Variants in CATSPERB observed in about 807,000 individuals in gnomAD.
The protein encoded by CATSPERB is cation channel sperm-associated auxiliary subunit beta.
Under a neutral mutation model 128.3 loss-of-function variants are expected in CATSPERB, and 93 were observed. That is an observed-to-expected ratio of 0.72 (90% CI 0.61 to 0.86). The LOEUF (loss-of-function observed/expected upper bound fraction) is 0.86. Ranked by LOEUF, CATSPERB falls within the 40% of genes least tolerant of loss-of-function variation. CATSPERB has a pLI of 0.00. For synonymous variants in CATSPERB, 381 were observed against 448.8 expected (o/e 0.85, Z 1.91); for missense variants, 1,153 against 1,329.5 (o/e 0.87, Z 2.06).
At chr14:91,729,361 C>A (rs760488369) in intron 2 of CATSPERB, 40 bp downstream of exon 2, 93 of 912,034 alleles carry the variant, frequency 1.0e-4, no homozygotes, top group Non-Finnish European at 1.1e-4. Flanking sequence ...AATAAGAACT[C>A]CTGAGAAGGA....
intron 10 of CATSPERB, among the ~76,000 whole-genome samples, chr14:91,685,775 G>A (rs1566730830): frequency 6.6e-6 from 1 of 152,202 alleles, no homozygotes; most frequent in Non-Finnish European, 1.5e-5. Context: ...AGAAATGTTA[G>A]CACATTCAGG....
At chr14:91,585,078 A>T (rs1893274201) in intron 26 of CATSPERB, among the ~76,000 whole-genome samples, 1 of 151,688 alleles carries the variant, frequency 6.6e-6, no homozygotes, top group Admixed American at 6.6e-5. Flanking sequence ...GTGCAGTGGC[A>T]TGATCTCAGC....
intron 10 of CATSPERB, among the ~76,000 whole-genome samples, chr14:91,686,495 A>G (rs1895377910): frequency 6.6e-6 from 1 of 152,158 alleles, no homozygotes. Flanking sequence ...TTAAAGATAG[A>G]TCCTTAAACT....
intron 10 of CATSPERB, among the ~76,000 whole-genome samples, chr14:91,684,998 C>T (rs1895349080): frequency 6.6e-6 from 1 of 152,050 alleles, no homozygotes; most frequent in Non-Finnish European, 1.5e-5. Context: ...ATGATCGTAG[C>T]TCACTCCAGC....
At chr14:91,696,910 T>G (rs1477036536) in intron 7 of CATSPERB, among the ~76,000 whole-genome samples, 1 of 152,188 alleles carries the variant, frequency 6.6e-6, no homozygotes, top group African/African-American at 2.4e-5. Flanking sequence ...GATTTCCAGT[T>G]GCAACAGTGG....
At chr14:91,720,745 T>C (rs1255650180) in intron 4 of CATSPERB, among the ~76,000 whole-genome samples, 5 of 152,308 alleles carry the variant, frequency 3.3e-5, no homozygotes, top group African/African-American at 4.8e-5. Flanking sequence ...CTAAAATTCA[T>C]ATTATTTTAT....
At chr14:91,721,727 G>A (rs796953953) in intron 4 of CATSPERB, among the ~76,000 whole-genome samples, 12 of 152,046 alleles carry the variant, frequency 7.9e-5, no homozygotes, top group African/African-American at 2.9e-4. Context: ...GCGGATGCCT[G>A]TAGTCCCAGC....
At chr14:91,612,264 A>G (rs945778422) in intron 20 of CATSPERB, among the ~76,000 whole-genome samples, 2 of 152,106 alleles carry the variant, frequency 1.3e-5, no homozygotes, top group Admixed American at 1.3e-4. Flanking sequence ...TTTGAAATGT[A>G]CAATACTCTA....
In CATSPERB at chr14:91,589,433, C is replaced by A. The variant is rs1322040455; in HGVS notation, c.2956+101G>T. The A allele has an allele frequency of 2.4e-5, 28 of 1,160,584 alleles. No individual in the cohort carries two copies. In the South Asian group the frequency reaches 5.4e-4, roughly 22 times the overall value. The allele number at this position is 1,160,584 out of a possible 1,614,324, so 71.9% of individuals were successfully genotyped here. A position where few individuals can be genotyped will look rare whatever the true frequency, so the allele number is the denominator to read the frequency against. ...CAAATCCATTTGCAAGAACTCCTGG[C>A]TCTCTTTTGTGTGAACAGGCTTTGA... On this transcript the variant is annotated intron_variant, in intron 24 of 26. Coordinates refer to ENST00000256343, the MANE Select transcript of CATSPERB (RefSeq NM_024764.4).
intron 5 of CATSPERB, among the ~76,000 whole-genome samples, chr14:91,717,089 A>G (rs1405282928): frequency 2.6e-5 from 4 of 152,248 alleles, no homozygotes; most frequent in Non-Finnish European, 4.4e-5. Flanking sequence ...CAAATCTCCA[A>G]TGAATTAGCT....
At chr14:91,609,369 G>A (rs941399093) in intron 21 of CATSPERB, among the ~76,000 whole-genome samples, 3 of 152,160 alleles carry the variant, frequency 2.0e-5, no homozygotes, top group Non-Finnish European at 2.9e-5. Flanking sequence ...TACTGGCTAG[G>A]TGAACTGCTC....
At chr14:91,705,220 G>A (rs1419617511) in intron 6 of CATSPERB, among the ~76,000 whole-genome samples, 1 of 151,300 alleles carries the variant, frequency 6.6e-6, no homozygotes, top group Non-Finnish European at 1.5e-5. Context: ...TTTGCCACAG[G>A]ATCTATCTGT....
intron 20 of CATSPERB, among the ~76,000 whole-genome samples, chr14:91,613,967 T>C (rs1893886472): frequency 6.6e-6 from 1 of 152,172 alleles, no homozygotes; most frequent in South Asian, 2.1e-4. Flanking sequence ...AATAATCATG[T>C]AAGATTCTCA....
In CATSPERB at chr14:91,580,911, T is replaced by G; in HGVS notation, c.3329A>C (p.His1110Pro). 1.9e-6 allele frequency: 3 copies of G among 1,614,174 alleles called. No homozygotes were observed. Among genetic ancestry groups the G allele is most frequent in the Non-Finnish European group, 2.5e-6 (3 of 1,179,974 alleles). The change falls in exon 27 of 27, where the codon CAT becomes CCT. Residue 1110 changes from histidine (H) to proline (P), a missense_variant. Coordinates refer to ENST00000256343, the MANE Select transcript of CATSPERB (RefSeq NM_024764.4). The part of the protein sequence containing the change: ...FSSISLSELI[H>P]RSKSEE The stretch of plus-strand genomic sequence containing the variant: ...TGTTCACTCTTCAGACTTTGATCTA[T>G]GAATCAGCTCACTGAGAGAGATACT...
intron 7 of CATSPERB, among the ~76,000 whole-genome samples, chr14:91,697,076 C>G (rs1895575455): frequency 6.6e-6 from 1 of 152,108 alleles, no homozygotes; most frequent in South Asian, 2.1e-4. Flanking sequence ...GATTTATAGG[C>G]AGTACTCTTT....
intron 11 of CATSPERB, among the ~76,000 whole-genome samples, chr14:91,678,417 A>C (rs945135323): frequency 1.3e-5 from 2 of 152,172 alleles, no homozygotes; most frequent in Non-Finnish European, 2.9e-5. Flanking sequence ...TTATATTGCT[A>C]TCTTGTGGCT....
At chr14:91,604,530 C>G in intron 22 of CATSPERB, 1 of 1,606,218 alleles carries the variant, frequency 6.2e-7, no homozygotes, top group Non-Finnish European at 8.5e-7. Flanking sequence ...AAGGCAGCCT[C>G]CAAGTCACTG....
At chr14:91,596,124 T>C (rs1278984964) in intron 22 of CATSPERB, among the ~76,000 whole-genome samples, 1 of 152,174 alleles carries the variant, frequency 6.6e-6, no homozygotes, top group Non-Finnish European at 1.5e-5. Flanking sequence ...AGTTCCTTTA[T>C]TCCAATGTCA....
chr14:91,622,720 A>G (rs900187298), intron 18 of CATSPERB, among the ~76,000 whole-genome samples: 2 of 152,106 alleles, frequency 1.3e-5, no homozygotes, highest in African/African-American at 4.8e-5. Flanking sequence ...AATCCTTTCC[A>G]ATATTCCCTC....
Sources: gnomAD v4.1 joint callset for allele counts (sites outside exome capture counted in the v4.1 genomes callset) on GRCh38, gnomAD v4.1.1 for gene constraint, MANE v1.5 for transcripts, NCBI Gene and HGNC (gene_info 2026-07-23, HGNC 2026-07-21) for gene names.